ADARB2: variants seen among roughly 807,000 people sequenced by gnomAD.
ADARB2 encodes inactive double-stranded RNA-specific editase B2.
Under a neutral mutation model 62.2 loss-of-function variants are expected in ADARB2, and 25 were observed. The ratio of observed to expected loss-of-function variants is 0.40; its 90% CI spans 0.29 to 0.56. The LOEUF is 0.56. Ranked by LOEUF, ADARB2 falls within the 20% of genes least tolerant of loss-of-function variation. The pLI, the probability that ADARB2 is intolerant of heterozygous loss-of-function variation, is 0.43. For missense variants in ADARB2, 1,071 were observed against 1,077.4 expected, an observed-to-expected ratio of 0.99 and a Z score of 0.08; for synonymous variants, 572 against 500.8, an observed-to-expected ratio of 1.14 and a Z score of -1.90.
In ADARB2 at chr10:1,327,445, C is replaced by T. The variant is rs865894764; in HGVS notation, c.1077+35583G>A. Among the ~76,000 whole-genome samples, 155 of 48,254 alleles carry T rather than the reference C, an allele frequency of 3.2e-3. 19 individuals are homozygous for T. Among genetic ancestry groups the T allele is most frequent in the African/African-American group, 0.021 (122 of 5,714 alleles). The allele number at this position is 48,254 out of a possible 152,430, so 31.7% of individuals were successfully genotyped here. The stretch of plus-strand genomic sequence containing the variant: ...CGCCTCCCCACTGCCCAGCGCCTCC[C>T]CACGGCCCAGCGCCTCCTCACTGCA... On this transcript the variant is annotated intron_variant, in intron 3 of 9. Coordinates refer to ENST00000381312, the MANE Select transcript of ADARB2 (RefSeq NM_018702.4).
chr10:1,192,393 C>A (rs1303719188), intron 8 of ADARB2, among the ~76,000 whole-genome samples: 4 of 152,168 alleles, frequency 2.6e-5, no homozygotes, highest in African/African-American at 9.7e-5. Context: ...CTCACGCACA[C>A]CCACACACCC....
intron 1 of ADARB2, among the ~76,000 whole-genome samples, chr10:1,489,442 T>A (rs1356613196): frequency 6.6e-6 from 1 of 152,226 alleles, no homozygotes; most frequent in Non-Finnish European, 1.5e-5. Flanking sequence ...GTTCTCAGTA[T>A]CCTCTGATCT....
At chr10:1,652,342 G>A (rs1264473444) in intron 1 of ADARB2, among the ~76,000 whole-genome samples, 1 of 152,206 alleles carries the variant, frequency 6.6e-6, no homozygotes, top group Non-Finnish European at 1.5e-5. Flanking sequence ...GGACTGCCAA[G>A]GCCCCTACTG....
At chr10:1,205,283 C>T (rs1837038552) in intron 7 of ADARB2, among the ~76,000 whole-genome samples, 1 of 151,676 alleles carries the variant, frequency 6.6e-6, no homozygotes, top group Non-Finnish European at 1.5e-5. Context: ...CCACCTAAAA[C>T]AACAGGTTTT....
intron 1 of ADARB2, among the ~76,000 whole-genome samples, chr10:1,528,156 G>T (rs551066283): frequency 2.0e-5 from 3 of 152,356 alleles, no homozygotes; most frequent in Non-Finnish European, 4.4e-5. Flanking sequence ...TCTCGCCAAT[G>T]GCTGTGTCTT....
chr10:1,332,199 T>G (rs761707445), intron 3 of ADARB2, among the ~76,000 whole-genome samples: 60 of 152,266 alleles, frequency 3.9e-4, no homozygotes, highest in Non-Finnish European at 7.6e-4. Flanking sequence ...AGCCCAGGAA[T>G]TTTAGAGTGG....
intron 1 of ADARB2, among the ~76,000 whole-genome samples, chr10:1,400,292 G>C (rs969300159): frequency 2.0e-5 from 3 of 152,154 alleles, no homozygotes; most frequent in Admixed American, 6.5e-5. Flanking sequence ...GTCCGAGTCC[G>C]GGCAGCAGTT....
chr10:1,321,642 C>T (rs1241887844), intron 3 of ADARB2, among the ~76,000 whole-genome samples: 1 of 152,208 alleles, frequency 6.6e-6, no homozygotes, highest in Non-Finnish European at 1.5e-5. Context: ...ATCTCAGCCT[C>T]CCAAAGCGCT....
chr10:1,661,538 G>C (rs1236179097), intron 1 of ADARB2, among the ~76,000 whole-genome samples: 2 of 152,204 alleles, frequency 1.3e-5, no homozygotes, highest in African/African-American at 4.8e-5. Context: ...CTAGGGTTGG[G>C]GGAGGGCCCC....
At chr10:1,419,268 A>AT (rs1832833199) in intron 1 of ADARB2, among the ~76,000 whole-genome samples, 2 of 151,976 alleles carry the variant, frequency 1.3e-5, no homozygotes, top group African/African-American at 2.4e-5. Flanking sequence ...TAATTTTTGT[A>AT]TTTTTTTAGT....
At chr10:1,275,777 A>G (rs1276799271) in intron 3 of ADARB2, among the ~76,000 whole-genome samples, 1 of 151,268 alleles carries the variant, frequency 6.6e-6, no homozygotes, top group Non-Finnish European at 1.5e-5. Flanking sequence ...TGACTTTGCA[A>G]TAGTTTGCTG....
At chr10:1,423,920 G>A (rs564367909) in intron 1 of ADARB2, among the ~76,000 whole-genome samples, 2 of 152,326 alleles carry the variant, frequency 1.3e-5, no homozygotes, top group South Asian at 4.1e-4. Context: ...CACTGTGTAT[G>A]CAGTAGGTCC....
At chr10:1,210,761 AAAGAAGCCTGGC>A (rs1837139900) in intron 7 of ADARB2, among the ~76,000 whole-genome samples, 1 of 152,206 alleles carries the variant, frequency 6.6e-6, no homozygotes, top group South Asian at 2.1e-4. Context: ...GTGGGGGTGT[AAAGAAGCCTGGC>A]AGGAAGCCTG....
intron 1 of ADARB2, among the ~76,000 whole-genome samples, chr10:1,504,818 C>T (rs35438523): frequency 0.094 from 14,292 of 152,076 alleles, 1,134 homozygotes; most frequent in East Asian, 0.32. Context: ...TAGTTGTTGC[C>T]GGCTTCATGC....
intron 1 of ADARB2, among the ~76,000 whole-genome samples, chr10:1,508,333 C>A (rs1189117468): frequency 1.3e-5 from 2 of 152,212 alleles, no homozygotes; most frequent in African/African-American, 4.8e-5. Context: ...GTCTGGACCT[C>A]GGCTTGGCCA....
At chr10:1,269,201 T>C (rs1358649182) in intron 4 of ADARB2, among the ~76,000 whole-genome samples, 2 of 152,066 alleles carry the variant, frequency 1.3e-5, no homozygotes, top group African/African-American at 2.4e-5. Flanking sequence ...CAGAAATCTG[T>C]GTAACACTCC....
intron 1 of ADARB2, among the ~76,000 whole-genome samples, chr10:1,716,858 A>T (rs950254499): frequency 2.0e-5 from 3 of 152,336 alleles, no homozygotes; most frequent in South Asian, 2.1e-4. Context: ...ACAAGAAAAA[A>T]GTCTACAAAA....
intron 8 of ADARB2, among the ~76,000 whole-genome samples, chr10:1,185,610 A>G (rs1836742513): frequency 6.6e-6 from 1 of 152,254 alleles, no homozygotes; most frequent in Non-Finnish European, 1.5e-5. Flanking sequence ...CTCAGTGCAC[A>G]GCGGAAATAT....
At chr10:1,306,083 A>G (rs1831624820) in intron 3 of ADARB2, among the ~76,000 whole-genome samples, 2 of 152,084 alleles carry the variant, frequency 1.3e-5, no homozygotes, top group South Asian at 4.2e-4. Flanking sequence ...AGAAGGAAAT[A>G]AAGGGTATTC....
Sources: allele counts gnomAD v4.1 joint callset (sites outside exome capture counted in the v4.1 genomes callset), GRCh38; gene constraint gnomAD v4.1.1; transcripts MANE v1.5; gene names NCBI Gene and HGNC (gene_info 2026-07-23, HGNC 2026-07-21).